The following DOCK9 variants were observed in gnomAD, a reference collection of about 807,000 sequenced individuals.
The protein encoded by DOCK9 is dedicator of cytokinesis 9, also known as dedicator of cytokinesis protein 9.
A neutral mutation model predicts 263.3 loss-of-function variants in DOCK9; 89 were observed. That is an observed-to-expected ratio of 0.34 (90% CI 0.28 to 0.40). The LOEUF is 0.40. Ranked by LOEUF, DOCK9 falls within the 10% of genes least tolerant of loss-of-function variation. DOCK9 has a pLI of 1.00. For missense variants in DOCK9, 2,140 were observed against 2,603.4 expected (o/e 0.82, Z 3.87); for synonymous variants, 976 against 973.1 (o/e 1.00, Z -0.06).
At chr13:98,866,132 C>CG (rs1285897187) in intron 30 of DOCK9, among the ~76,000 whole-genome samples, 1 of 152,174 alleles carries the variant, frequency 6.6e-6, no homozygotes, top group African/African-American at 2.4e-5. Flanking sequence ...TCTCAAATGT[C>CG]ACCCCTTTTC....
intron 45 of DOCK9, among the ~76,000 whole-genome samples, chr13:98,818,681 T>C (rs1297806859): frequency 2.0e-5 from 3 of 151,988 alleles, no homozygotes; most frequent in Non-Finnish European, 2.9e-5. Context: ...TTTTATGATA[T>C]TAGCCTAGAC....
Position 99,030,546 on chromosome 13 carries a change from T to C in DOCK9, c.129+55677A>G, listed in dbSNP as rs571862708. 3.9e-5 allele frequency among the ~76,000 whole-genome samples: 6 copies of C among 152,310 alleles called. No individual in the cohort carries two copies. The East Asian group carries it at 1.2e-3, about 29-fold the overall frequency. Reference sequence around the variant, plus strand: ...CAGAACAGATGGGATAGTACCAGCATTCAAATCTAGCTAACATCATTAAAG... The same window carrying C: ...CAGAACAGATGGGATAGTACCAGCACTCAAATCTAGCTAACATCATTAAAG... On this transcript the variant is annotated intron_variant, in intron 1 of 32. Transcript: ENST00000427887.
At position 99,066,520 on chromosome 13, in the gene DOCK9, T is replaced by G. The variant is rs780889454; in HGVS notation, c.129+19703A>C. 5.3e-5 allele frequency among the ~76,000 whole-genome samples: 8 copies of G among 152,312 alleles called. No homozygotes were observed. In the South Asian group the frequency reaches 1.7e-3, roughly 32 times the overall value. On this transcript the variant is annotated intron_variant, in intron 1 of 32. Coordinates refer to the DOCK9 transcript ENST00000427887. Reference sequence around the variant, plus strand: ...TATAATAGCATACTATGTTACTTAATATAAATTTAATATGTTAATATACTA... The same window carrying G: ...TATAATAGCATACTATGTTACTTAAGATAAATTTAATATGTTAATATACTA...
chr13:98,973,377 G>A (rs765070343), intron 1 of DOCK9, among the ~76,000 whole-genome samples: 10 of 152,306 alleles, frequency 6.6e-5, no homozygotes, highest in East Asian at 1.9e-4. Context: ...TCCTCTGTCT[G>A]AGAGACAGAA....
chr13:98,822,334 A>G (rs1451686100), intron 45 of DOCK9, among the ~76,000 whole-genome samples: 1 of 152,208 alleles, frequency 6.6e-6, no homozygotes, highest in Non-Finnish European at 1.5e-5. Context: ...AGGCTCTAAC[A>G]TAATAACTAT....
intron 1 of DOCK9, among the ~76,000 whole-genome samples, chr13:98,956,114 G>A (rs555636390): frequency 1.3e-5 from 2 of 152,346 alleles, no homozygotes; most frequent in South Asian, 2.1e-4. Context: ...AACCAGCCAA[G>A]AGGCTGGGTC....
rs1594776106 is a variant in DOCK9, at chr13:98,863,441, G to A, written c.3394C>T (p.Arg1132Cys). Residue 1132 changes from arginine to cysteine, a missense_variant, in exon 31 of 53, where the codon CGT becomes TGT. Arg to Cys is a radical substitution (Grantham distance 180, BLOSUM62 -3). Coordinates refer to ENST00000682017, the MANE Select transcript of DOCK9 (RefSeq NM_001366683.2). ...TTGAGCACACTGATGGCGATCAGACGGACCTCCCGGAACTCCTGGAGGGCT... is the reference window on the plus strand; with the variant it reads ...TTGAGCACACTGATGGCGATCAGACAGACCTCCCGGAACTCCTGGAGGGCT... ...GTALQEFREV[R>C]LIAISVLKNL... 6.8e-6 allele frequency: 11 copies of A among 1,613,832 alleles called. No individual in the cohort carries two copies. Among genetic ancestry groups the A allele is most frequent in the African/African-American group, 1.3e-5 (1 of 74,976 alleles).
intron 1 of DOCK9, among the ~76,000 whole-genome samples, chr13:99,005,785 C>T (rs1211750632): frequency 6.6e-6 from 1 of 152,130 alleles, no homozygotes; most frequent in Admixed American, 6.5e-5. Context: ...AGTGTCTGTC[C>T]TAATGACTCA....
chr13:99,053,954 T>C (rs1422011198), intron 1 of DOCK9, among the ~76,000 whole-genome samples: 1 of 152,102 alleles, frequency 6.6e-6, no homozygotes, highest in Admixed American at 6.5e-5. Context: ...TTAGTCTGAC[T>C]ACCACATCTC....
At chr13:98,909,360 G>A (rs2049637365) in intron 9 of DOCK9, among the ~76,000 whole-genome samples, 1 of 152,154 alleles carries the variant, frequency 6.6e-6, no homozygotes, top group South Asian at 2.1e-4. Context: ...AAAGTCTGCT[G>A]TAGGCTTTAG....
chr13:98,891,920 C>T (rs1023122608), intron 15 of DOCK9, among the ~76,000 whole-genome samples: 1 of 151,900 alleles, frequency 6.6e-6, no homozygotes, highest in Non-Finnish European at 1.5e-5. Context: ...CAAACACTCA[C>T]AGGCAATAAA....
intron 1 of DOCK9, among the ~76,000 whole-genome samples, chr13:99,027,097 G>A (rs1268649194): frequency 6.6e-6 from 1 of 152,112 alleles, no homozygotes; most frequent in Non-Finnish European, 1.5e-5. Flanking sequence ...TCGGCTCACT[G>A]CAACCTCTGC....
At chr13:98,809,295 G>GT in intron 47 of DOCK9, 57 bp downstream of exon 47, 3 of 1,447,300 alleles carry the variant, frequency 2.1e-6, no homozygotes, top group Non-Finnish European at 2.8e-6. Context: ...TTTTGTTTTT[G>GT]TTTTTGTTTT....
At chr13:98,905,036 T>C (rs2048873893) in intron 9 of DOCK9, among the ~76,000 whole-genome samples, 1 of 152,090 alleles carries the variant, frequency 6.6e-6, no homozygotes, top group Middle Eastern at 3.2e-3. Context: ...AGGCTTGGAA[T>C]GAAGGGGCAG....
chr13:98,920,789 T>C (rs1189999480), intron 7 of DOCK9, among the ~76,000 whole-genome samples, 165 bp downstream of exon 7: 1 of 152,236 alleles, frequency 6.6e-6, no homozygotes, highest in Non-Finnish European at 1.5e-5. Context: ...ATCCCTTCCA[T>C]CTTCTACAAT....
intron 2 of DOCK9, among the ~76,000 whole-genome samples, chr13:98,954,637 G>A (rs1478384925): frequency 1.3e-5 from 2 of 152,246 alleles, no homozygotes; most frequent in African/African-American, 4.8e-5. Flanking sequence ...AACCTTGAAC[G>A]CTTTGCTGGG....
chr13:98,896,722 C>T (rs746066507), intron 15 of DOCK9, among the ~76,000 whole-genome samples: 3 of 152,182 alleles, frequency 2.0e-5, no homozygotes, highest in South Asian at 2.1e-4. Context: ...CACAGACCCT[C>T]GGGTGAGACT....
In DOCK9 at chr13:98,915,367, G is replaced by C. The variant is rs894305802; in HGVS notation, c.854C>G (p.Ala285Gly). The change falls in exon 8 of 53, where the codon GCT becomes GGT. Residue 285 changes from alanine to glycine, a missense_variant. This residue lies in a region of DOCK9 where 1,521 missense variants were observed against 1,741.7 expected (regional missense o/e 0.87). Coordinates refer to ENST00000682017, the MANE Select transcript of DOCK9 (RefSeq NM_001366683.2). Reference sequence around the variant, plus strand: ...GCCATTTCGCTTTTCTTGCATTGCAGCTTCAAAGTTGAGCTGGAGGATCTT... The same window carrying C: ...GCCATTTCGCTTTTCTTGCATTGCACCTTCAAAGTTGAGCTGGAGGATCTT... The part of the protein sequence containing the change: ...LNKILQLNFE[A>G]AMQEKRNGDS... The C allele has an allele frequency of 7.4e-6, 12 of 1,613,700 alleles. No individual in the cohort carries two copies. Among genetic ancestry groups the C allele is most frequent in the African/African-American group, 1.3e-5 (1 of 74,882 alleles).
intron 1 of DOCK9, among the ~76,000 whole-genome samples, chr13:99,041,745 T>C (rs1888481210): frequency 6.6e-6 from 1 of 152,226 alleles, no homozygotes; most frequent in Non-Finnish European, 1.5e-5. Context: ...AATAAGATCA[T>C]CCTGAATTAC....
Sources: gnomAD v4.1 joint callset for allele counts (sites outside exome capture counted in the v4.1 genomes callset) on GRCh38, gnomAD v4.1.1 for gene constraint, gnomAD v4.1.1 regional missense constraint, MANE v1.5 for transcripts, NCBI Gene and HGNC (gene_info 2026-07-23, HGNC 2026-07-21) for gene names.